Variants in MYOCD observed in about 807,000 individuals in gnomAD.
MYOCD encodes the protein myocardin.
Under a neutral mutation model 96.1 loss-of-function variants are expected in MYOCD, and 32 were observed. The observed-to-expected ratio is 0.33, with a 90% CI of 0.25 to 0.45. The LOEUF is 0.45. MYOCD is among the 20% of genes least tolerant of loss of function. The pLI, the probability that MYOCD is intolerant of heterozygous loss-of-function variation, is 1.00. For synonymous variants in MYOCD, 469 were observed against 469.0 expected (o/e 1.00, Z 0.00); for missense variants, 1,133 against 1,200.6 (o/e 0.94, Z 0.83).
At chr17:12,703,136 G>C (rs1043565154) in intron 1 of MYOCD, among the ~76,000 whole-genome samples, 5 of 151,782 alleles carry the variant, frequency 3.3e-5, no homozygotes, top group Middle Eastern at 3.2e-3. Context: ...TGGTAGATTG[G>C]GGGGCGGGGT....
intron 7 of MYOCD, among the ~76,000 whole-genome samples, chr17:12,740,250 C>T (rs1338288996): frequency 1.3e-5 from 2 of 152,100 alleles, no homozygotes; most frequent in Non-Finnish European, 2.9e-5. Context: ...GTGGCGATTT[C>T]GGAGATTGTA....
At chr17:12,669,240 G>C (rs1440794021) in intron 1 of MYOCD, among the ~76,000 whole-genome samples, 1 of 152,142 alleles carries the variant, frequency 6.6e-6, no homozygotes, top group Admixed American at 6.5e-5. Flanking sequence ...GTACGTATGT[G>C]TGCCACACAC....
At chr17:12,685,062 G>A (rs528015533) in intron 1 of MYOCD, among the ~76,000 whole-genome samples, 3 of 151,930 alleles carry the variant, frequency 2.0e-5, no homozygotes, top group East Asian at 1.9e-4. Flanking sequence ...TTGGAAGACC[G>A]AATCAGGTGG....
chr17:12,751,432 C>T (rs1182726778), intron 9 of MYOCD, among the ~76,000 whole-genome samples: 1 of 152,094 alleles, frequency 6.6e-6, no homozygotes, highest in Non-Finnish European at 1.5e-5. Context: ...TCTGTAGTGT[C>T]CCATCATTTG....
chr17:12,693,959 A>T (rs2030611547), intron 1 of MYOCD, among the ~76,000 whole-genome samples: 1 of 152,076 alleles, frequency 6.6e-6, no homozygotes, highest in South Asian at 2.1e-4. Context: ...TGCTGTTGAT[A>T]AAAACATTGG....
At chr17:12,759,667 T>G (rs1387507110) in intron 12 of MYOCD, among the ~76,000 whole-genome samples, 1 of 152,082 alleles carries the variant, frequency 6.6e-6, no homozygotes, top group African/African-American at 2.4e-5. Context: ...CATCCAGAAA[T>G]AAGACTCTAC....
chr17:12,748,340 G>T (rs911890154), intron 9 of MYOCD, among the ~76,000 whole-genome samples: 2 of 152,104 alleles, frequency 1.3e-5, no homozygotes, highest in Non-Finnish European at 2.9e-5. Flanking sequence ...TTCAGAGATA[G>T]AGACCAAATT....
At chr17:12,671,864 C>T (rs1242939371) in intron 1 of MYOCD, 1 of 152,176 alleles carries the variant, frequency 6.6e-6, no homozygotes, top group African/African-American at 2.4e-5. Context: ...GAACAGGCTG[C>T]TTTTCATTTC....
At position 12,765,655 on chromosome 17, in the gene MYOCD, G is replaced by A. The variant is rs886355019; in HGVS notation, c.*2011G>A. The A allele has an allele frequency of 1.3e-5, 2 of 152,192 alleles. No individual in the cohort carries two copies. The highest frequency in any genetic ancestry group is 4.8e-5 in the African/African-American group (2 of 41,438). The allele number at this position is 152,192 out of a possible 1,614,324, so 9.4% of individuals were successfully genotyped here. A position where few individuals can be genotyped will look rare whatever the true frequency, so the allele number is the denominator to read the frequency against. On this transcript the variant is annotated 3_prime_UTR_variant, in exon 14 of 14. Coordinates refer to ENST00000425538, the MANE Select transcript of MYOCD (RefSeq NM_001146312.3). The stretch of plus-strand genomic sequence containing the variant: ...AAAAGCCTTTAACCCTTAATCTGCT[G>A]TGAATGATACCTGGCCTTTCTCACT...
In MYOCD at chr17:12,717,364, C is replaced by T. The variant is rs372478735; in HGVS notation, c.196C>T (p.Arg66Cys). The T allele has an allele frequency of 5.0e-6, 8 of 1,613,744 alleles. No individual in the cohort carries two copies. The highest frequency in any genetic ancestry group is 4.0e-5 in the African/African-American group (3 of 74,888). Reference sequence around the variant, plus strand: ...TCTACAGGCTAAAAATTCCCTGAAGCGCAAAGCCAGAAACAGGTGCAACAG... The same window carrying T: ...TCTACAGGCTAAAAATTCCCTGAAGTGCAAAGCCAGAAACAGGTGCAACAG... ...DSDKAKNSLK[R>C]KARNRCNSAD... Residue 66 changes from arginine to cysteine, a missense_variant, in exon 4 of 14, where the codon CGC becomes TGC. Physicochemically the swap from Arg to Cys is radical, Grantham distance 180. Coordinates refer to ENST00000425538, the MANE Select transcript of MYOCD (RefSeq NM_001146312.3).
In MYOCD at chr17:12,756,500, C is replaced by T. The variant is rs1293597876; in HGVS notation, c.2145C>T (p.Asp715=). The T allele has an allele frequency of 6.4e-7, 1 of 1,551,850 alleles. No homozygotes were observed. Among genetic ancestry groups the T allele is most frequent in the South Asian group, 1.2e-5 (1 of 84,044 alleles). The change falls in exon 11 of 14, where the codon GAC becomes GAT. Residue 715 remains aspartate (D), a synonymous_variant. Transcript: ENST00000425538. ...CGCCCTTCTCTGGAGCCCAAGCAGA[C>T]AGCAGTCATGGTGCCGGGGGAAACC... ...LHPPFSGAQA[D]SSHGAGGNPC...
chr17:12,734,504 C>CTTTTT (rs3050319), intron 5 of MYOCD, among the ~76,000 whole-genome samples: 2,129 of 65,486 alleles, frequency 0.033, 151 homozygotes, highest in Non-Finnish European at 0.035. Context: ...ACACATGATC[C>CTTTTT]TTTTTTTTTT....
chr17:12,758,913 G>A (rs1455319669), intron 12 of MYOCD, among the ~76,000 whole-genome samples: 2 of 152,060 alleles, frequency 1.3e-5, no homozygotes, highest in Non-Finnish European at 2.9e-5. Flanking sequence ...GCTGGGTGTG[G>A]TGGTGTGTGC....
chr17:12,768,946 G>T lies in MYOCD; in HGVS notation c.*5302G>T, dbSNP rs1489915349. 6.7e-6 allele frequency: 1 copy of T among 149,894 alleles called. No homozygotes were observed. The highest frequency in any genetic ancestry group is 1.5e-5 in the Non-Finnish European group (1 of 67,588). The allele number at this position is 149,894 out of a possible 1,614,324, so 9.3% of individuals were successfully genotyped here. A position where few individuals can be genotyped will look rare whatever the true frequency, so the allele number is the denominator to read the frequency against. On this transcript the variant is annotated 3_prime_UTR_variant, in exon 14 of 14. Coordinates refer to ENST00000425538, the MANE Select transcript of MYOCD (RefSeq NM_001146312.3). ...TTAAATAAAATGTTTATTTTAAAAA[G>T]AAATGTAAAACTTTTTTTTTTTCGT...
Position 12,767,583 on chromosome 17 carries a change from C to A in MYOCD, c.*3939C>A, listed in dbSNP as rs776213865. 4 of 151,468 alleles carry A rather than the reference C, an allele frequency of 2.6e-5. No individual in the cohort carries two copies. The highest frequency in any genetic ancestry group is 6.6e-5 in the Admixed American group (1 of 15,212). The allele number at this position is 151,468 out of a possible 1,614,324, so 9.4% of individuals were successfully genotyped here. A position where few individuals can be genotyped will look rare whatever the true frequency, so the allele number is the denominator to read the frequency against. ...AGAACACTAAGAATCTCCCAGTCCT[C>A]AAACTAGAAACCTTTCAGCTACGAT... On this transcript the variant is annotated 3_prime_UTR_variant, in exon 14 of 14. Coordinates refer to ENST00000425538, the MANE Select transcript of MYOCD (RefSeq NM_001146312.3).
chr17:12,756,498 G>A lies in MYOCD; in HGVS notation c.2143G>A (p.Asp715Asn), dbSNP rs985654789. ...LHPPFSGAQA[D>N]SSHGAGGNPC... ...CCCGCCCTTCTCTGGAGCCCAAGCA[G>A]ACAGCAGTCATGGTGCCGGGGGAAA... is the stretch of plus-strand genomic sequence containing the variant. Residue 715 changes from aspartate (D) to asparagine (N), a missense_variant, in exon 11 of 14, where the codon GAC becomes AAC. By Grantham distance (23) the Asp-to-Asn change is conservative (BLOSUM62 1). Coordinates refer to ENST00000425538, the MANE Select transcript of MYOCD (RefSeq NM_001146312.3). 6 of 1,551,706 alleles carry A rather than the reference G, an allele frequency of 3.9e-6. No individual in the cohort carries two copies. Among genetic ancestry groups the A allele is most frequent in the Non-Finnish European group, 4.4e-6 (5 of 1,147,072 alleles).
At chr17:12,704,640 A>G (rs1234738274) in intron 1 of MYOCD, among the ~76,000 whole-genome samples, 4 of 152,160 alleles carry the variant, frequency 2.6e-5, no homozygotes, top group South Asian at 2.1e-4. Context: ...ATCAAACTTT[A>G]TGGCAACACC....
At chr17:12,703,543 A>G (rs2031169142) in intron 1 of MYOCD, among the ~76,000 whole-genome samples, 1 of 151,962 alleles carries the variant, frequency 6.6e-6, no homozygotes, top group African/African-American at 2.4e-5. Flanking sequence ...TCCATTCTTT[A>G]TCTCTGACAA....
chr17:12,678,676 T>G (rs1910253444), intron 1 of MYOCD, among the ~76,000 whole-genome samples: 1 of 152,120 alleles, frequency 6.6e-6, no homozygotes, highest in South Asian at 2.1e-4. Flanking sequence ...ATTTTTATTT[T>G]TTTGTTTTCT....
Sources: gnomAD v4.1 joint callset for allele counts (sites outside exome capture counted in the v4.1 genomes callset) on GRCh38, gnomAD v4.1.1 for gene constraint, MANE v1.5 for transcripts, NCBI Gene and HGNC (gene_info 2026-07-23, HGNC 2026-07-21) for gene names.